Variants in STMN2 observed in about 807,000 individuals in gnomAD.
The protein encoded by STMN2 is stathmin-2.
Under a neutral mutation model 24.1 loss-of-function variants are expected in STMN2, and 2 were observed. The observed-to-expected ratio is 0.08, with a 90% CI of 0.03 to 0.26. STMN2 has a LOEUF of 0.26. STMN2 is among the 10% of genes least tolerant of loss of function. The pLI is 1.00. For synonymous variants in STMN2, 83 were observed against 77.5 expected (o/e 1.07, Z -0.37); for missense variants, 114 against 213.6 (o/e 0.53, Z 2.91).
intron 3 of STMN2, among the ~76,000 whole-genome samples, chr8:79,650,973 A>G (rs1310476519): frequency 1.3e-5 from 2 of 152,218 alleles, no homozygotes; most frequent in African/African-American, 2.4e-5. Context: ...GCTTATGAAT[A>G]GAGACTAATA....
At chr8:79,637,020 G>A in intron 2 of STMN2, 123 bp downstream of exon 2, 1 of 859,580 alleles carries the variant, frequency 1.2e-6, no homozygotes, top group Admixed American at 2.4e-5. Flanking sequence ...CTATTGACTT[G>A]CCGTGTCTAG....
chr8:79,656,760 C>G (rs1433091956), intron 4 of STMN2, among the ~76,000 whole-genome samples: 2 of 152,210 alleles, frequency 1.3e-5, no homozygotes, highest in Non-Finnish European at 2.9e-5. Context: ...ACCTGCTGAT[C>G]TTATTGCAGC....
chr8:79,622,380 T>A (rs1809536744), intron 1 of STMN2, among the ~76,000 whole-genome samples: 1 of 152,204 alleles, frequency 6.6e-6, no homozygotes, highest in African/African-American at 2.4e-5. Context: ...AACATCTCAA[T>A]TCTTATACTT....
intron 2 of STMN2, among the ~76,000 whole-genome samples, chr8:79,638,669 T>C (rs1413821526): frequency 6.6e-6 from 1 of 152,236 alleles, no homozygotes; most frequent in African/African-American, 2.4e-5. Context: ...TCATTTAATC[T>C]TCACAACCAC....
At chr8:79,620,912 G>A (rs1313689613) in intron 1 of STMN2, 1 of 966,740 alleles carries the variant, frequency 1.0e-6, no homozygotes, top group African/African-American at 1.8e-5. Context: ...CTCCCAGGTG[G>A]TGCTGATGAG....
chr8:79,633,670 A>G (rs1809869031), intron 1 of STMN2, among the ~76,000 whole-genome samples: 1 of 152,212 alleles, frequency 6.6e-6, no homozygotes, highest in African/African-American at 2.4e-5. Context: ...TTATAAGGAC[A>G]CTAATCCCAT....
Position 79,658,883 on chromosome 8 carries a change from C to T in STMN2, c.480+3821C>T, listed in dbSNP as rs368342339. Among the ~76,000 whole-genome samples, 11 of 152,316 alleles carry T rather than the reference C, an allele frequency of 7.2e-5. No individual in the cohort carries two copies. In the East Asian group the frequency reaches 1.5e-3, roughly 21 times the overall value. On this transcript the variant is annotated intron_variant, in intron 4 of 4. Coordinates refer to ENST00000220876, the MANE Select transcript of STMN2 (RefSeq NM_007029.4). ...AGCAAAAGCAGCCCTGGCTGCACTT[C>T]GGAATCTACTGGACAGCTCTTTAAG...
At chr8:79,613,557 C>T (rs60836585) in intron 1 of STMN2, 110,487 of 985,372 alleles carry the variant, frequency 0.11, 8,180 homozygotes, top group East Asian at 0.42. Flanking sequence ...GAAAGGTTTC[C>T]GCTGCAGGCT....
chr8:79,646,905 A>C (rs900831782), intron 3 of STMN2, among the ~76,000 whole-genome samples: 1 of 152,264 alleles, frequency 6.6e-6, no homozygotes, highest in African/African-American at 2.4e-5. Context: ...GAATGCAGAA[A>C]GTGTAGGTTT....
At position 79,616,403 on chromosome 8, in the gene STMN2, AT is replaced by A. The variant is rs764781827; in HGVS notation, c.19+5195del. ...TTTTTAAATATGCATTGATAGAATT[AT>A]TTTTTGATTACATTTTATGTAATTC... On this transcript the variant is annotated intron_variant, in intron 1 of 4. Transcript: ENST00000220876. Among the ~76,000 whole-genome samples the A allele has an allele frequency of 2.2e-4, 34 of 152,344 alleles. 2 individuals are homozygous for A. The East Asian group carries it at 3.7e-3, about 16-fold the overall frequency.
At chr8:79,635,968 G>C (rs1352490509) in intron 1 of STMN2, among the ~76,000 whole-genome samples, 1 of 152,150 alleles carries the variant, frequency 6.6e-6, no homozygotes, top group African/African-American at 2.4e-5. Flanking sequence ...TGTAATCCCA[G>C]CACTTTGGGT....
Position 79,643,168 on chromosome 8 carries a change from T to TAA in STMN2, c.288+1621_288+1622dup, listed in dbSNP as rs1554545310. ...GTGTGTGTATATATATATATATATA[T>TAA]AAAATACTAGTTATCATTGTTCTAG... On this transcript the variant is annotated intron_variant, in intron 3 of 4. Transcript: ENST00000220876. 5.5e-5 allele frequency among the ~76,000 whole-genome samples: 8 copies of TAA among 145,288 alleles called. 1 individual carries two copies. In the South Asian group the frequency reaches 6.4e-4, roughly 12 times the overall value.
At chr8:79,648,998 C>T (rs1270296098) in intron 3 of STMN2, among the ~76,000 whole-genome samples, 2 of 152,154 alleles carry the variant, frequency 1.3e-5, no homozygotes, top group Admixed American at 6.5e-5. Flanking sequence ...GCTCTCATTA[C>T]TGGCATAATC....
chr8:79,663,787 G>A (rs545462267), intron 4 of STMN2: 68 of 687,822 alleles, frequency 9.9e-5, no homozygotes, highest in Non-Finnish European at 1.5e-4. Context: ...GTCATCTGAT[G>A]TATAGCCACA....
At chr8:79,631,603 C>T (rs576766174) in intron 1 of STMN2, among the ~76,000 whole-genome samples, 1 of 152,178 alleles carries the variant, frequency 6.6e-6, no homozygotes, top group South Asian at 2.1e-4. Context: ...ACATACTCAT[C>T]AACCAAAATA....
intron 1 of STMN2, among the ~76,000 whole-genome samples, chr8:79,626,512 GAA>G (rs1809658685): frequency 1.3e-5 from 2 of 152,214 alleles, no homozygotes; most frequent in Non-Finnish European, 2.9e-5. Flanking sequence ...AAAATGCACT[GAA>G]ATACCAGTCA....
At chr8:79,654,496 T>A (rs1375558335) in intron 3 of STMN2, among the ~76,000 whole-genome samples, 1 of 152,214 alleles carries the variant, frequency 6.6e-6, no homozygotes, top group African/African-American at 2.4e-5. Context: ...CTTGTCTCAG[T>A]CCTCAACTGT....
chr8:79,631,585 C>T (rs1281022047), intron 1 of STMN2: 2 of 493,086 alleles, frequency 4.1e-6, no homozygotes, highest in Non-Finnish European at 5.3e-6. Context: ...AAAGTTACAT[C>T]ATTAATTACA....
intron 3 of STMN2, among the ~76,000 whole-genome samples, chr8:79,653,441 G>C (rs760240606): frequency 6.6e-5 from 10 of 152,150 alleles, no homozygotes; most frequent in Non-Finnish European, 1.0e-4. Flanking sequence ...GCAAGAGGCA[G>C]GGCTGGTTCC....
Sources: allele counts gnomAD v4.1 joint callset (sites outside exome capture counted in the v4.1 genomes callset), GRCh38; gene constraint gnomAD v4.1.1; transcripts MANE v1.5; gene names NCBI Gene and HGNC (gene_info 2026-07-23, HGNC 2026-07-21).